The following RELN variants were observed in gnomAD, a reference collection of about 807,000 sequenced individuals.
The protein encoded by RELN is reelin.
A neutral mutation model predicts 427.6 loss-of-function variants in RELN; 108 were observed. The observed-to-expected ratio is 0.25, with a 90% CI of 0.22 to 0.30. The LOEUF (loss-of-function observed/expected upper bound fraction) is 0.30, where lower values mean the gene tolerates loss of function less well. Among genes scored for constraint, RELN ranks in the 10% least tolerant of loss-of-function variants. The pLI is 1.00. For missense variants in RELN, 3,715 were observed against 4,302.8 expected (o/e 0.86, Z 3.82); for synonymous variants, 1,524 against 1,513.4 (o/e 1.01, Z -0.16).
chr7:103,694,505 G>GA (rs1562959839), intron 10 of RELN, among the ~76,000 whole-genome samples: 7 of 106,972 alleles, frequency 6.5e-5, no homozygotes, highest in African/African-American at 2.5e-4. Flanking sequence ...GATGATGATG[G>GA]CGACGACGAT....
At chr7:103,832,268 C>T (rs1344589661) in intron 3 of RELN, among the ~76,000 whole-genome samples, 2 of 152,140 alleles carry the variant, frequency 1.3e-5, no homozygotes, top group African/African-American at 4.8e-5. Flanking sequence ...CTCTGTTTTG[C>T]TTGACTGCCT....
chr7:103,850,011 A>G (rs1259983550), intron 2 of RELN, among the ~76,000 whole-genome samples: 2 of 152,236 alleles, frequency 1.3e-5, no homozygotes, highest in Non-Finnish European at 2.9e-5. Context: ...TGTTAGGAAC[A>G]TCTCCATAAT....
At position 103,803,169 on chromosome 7, in the gene RELN, A is replaced by G. The variant is rs148476407; in HGVS notation, c.474-26542T>C. 7.8e-3 allele frequency among the ~76,000 whole-genome samples: 1,180 copies of G among 152,174 alleles called. 7 individuals carry two copies. The highest frequency in any genetic ancestry group is 0.011 in the Non-Finnish European group (757 of 67,972). ...TGTCCAGCTTAATGATTGCAAGACT[A>G]AAATACTCCACCTTTACTCCTACTC... is the stretch of plus-strand genomic sequence containing the variant. On this transcript the variant is annotated intron_variant, in intron 3 of 64. Coordinates refer to ENST00000428762, the MANE Select transcript of RELN (RefSeq NM_005045.4).
intron 37 of RELN, 68 bp from the exon 38 acceptor site, chr7:103,557,227 T>C: frequency 1.4e-5 from 18 of 1,329,224 alleles, no homozygotes; most frequent in Non-Finnish European, 9.7e-6. Context: ...TGTTCTTAGC[T>C]GAATCTTTAG....
At chr7:103,739,486 A>G (rs1249396900) in intron 6 of RELN, among the ~76,000 whole-genome samples, 1 of 152,176 alleles carries the variant, frequency 6.6e-6, no homozygotes, top group African/African-American at 2.4e-5. Context: ...CAGCACTGGT[A>G]AAGTGGTATT....
At chr7:103,927,323 AT>A (rs1795767535) in intron 1 of RELN, among the ~76,000 whole-genome samples, 1 of 152,218 alleles carries the variant, frequency 6.6e-6, no homozygotes, top group South Asian at 2.1e-4. Context: ...AAGACTCTCT[AT>A]TCCACATTTC....
intron 6 of RELN, among the ~76,000 whole-genome samples, chr7:103,731,927 T>C (rs765491471): frequency 1.3e-5 from 2 of 152,198 alleles, no homozygotes; most frequent in African/African-American, 4.8e-5. Flanking sequence ...AATGTTTACA[T>C]TTTTAAATAC....
rs74756402 is a variant in RELN at position 103,792,843 on chromosome 7, C to A, written c.474-16216G>T. ...TAAAATGGAAATATATTCTGGAAGG[C>A]TGTAGATAAGCTAATAGGAAATGGA... On this transcript the variant is annotated intron_variant, in intron 3 of 64. Coordinates refer to ENST00000428762, the MANE Select transcript of RELN (RefSeq NM_005045.4). 6.4e-3 allele frequency among the ~76,000 whole-genome samples: 969 copies of A among 152,016 alleles called. 3 individuals are homozygous for A. Among genetic ancestry groups the A allele is most frequent in the Non-Finnish European group, 0.011 (723 of 67,976 alleles).
intron 10 of RELN, among the ~76,000 whole-genome samples, chr7:103,692,428 C>T (rs185236888): frequency 2.4e-4 from 37 of 152,182 alleles, no homozygotes; most frequent in African/African-American, 7.7e-4. Context: ...ATAATACCTG[C>T]CTCTTGCCTC....
chr7:103,664,028 G>C (rs994883384), intron 11 of RELN, among the ~76,000 whole-genome samples: 5 of 152,090 alleles, frequency 3.3e-5, no homozygotes, highest in Admixed American at 3.3e-4. Flanking sequence ...TGCTACCCAA[G>C]TCCCGGTTGT....
chr7:103,593,761 A>G lies in RELN; in HGVS notation c.3833T>C (p.Ile1278Thr), dbSNP rs1211780544. 3.1e-6 allele frequency: 5 copies of G among 1,613,936 alleles called. No homozygotes were observed. Among genetic ancestry groups the G allele is most frequent in the Non-Finnish European group, 4.2e-6 (5 of 1,179,954 alleles). The change falls in exon 27 of 65, where the codon ATA (isoleucine) becomes ACA (threonine). Residue 1278 changes from isoleucine to threonine, a missense_variant. Coordinates refer to ENST00000428762, the MANE Select transcript of RELN (RefSeq NM_005045.4). ...TCGATCTCCATCTGATTTTCCAAAT[A>G]TCATTGCTGATGGTGTGGCAGCACA... Reference protein sequence around the residue: ...TFCAATPSAMIFGKSDGDRFA... With the variant: ...TFCAATPSAMTFGKSDGDRFA...
At chr7:103,781,096 T>C (rs1288169739) in intron 3 of RELN, among the ~76,000 whole-genome samples, 8 of 152,182 alleles carry the variant, frequency 5.3e-5, no homozygotes, top group Admixed American at 5.2e-4. Context: ...ATGGTTAGTA[T>C]TTCTAAAGGT....
intron 4 of RELN, among the ~76,000 whole-genome samples, chr7:103,757,531 T>C (rs1035861426): frequency 6.6e-6 from 1 of 152,164 alleles, no homozygotes; most frequent in African/African-American, 2.4e-5. Flanking sequence ...AATTGTCAAA[T>C]GGCTTAAACT....
chr7:103,618,043 G>A (rs1832124687), intron 20 of RELN, among the ~76,000 whole-genome samples: 1 of 152,136 alleles, frequency 6.6e-6, no homozygotes, highest in Non-Finnish European at 1.5e-5. Context: ...TTCTTGTACA[G>A]TCTGCAGAAC....
At chr7:103,662,645 A>AAAAAAAG (rs1562945671) in intron 11 of RELN, among the ~76,000 whole-genome samples, 1 of 150,186 alleles carries the variant, frequency 6.7e-6, no homozygotes, top group Non-Finnish European at 1.5e-5. Flanking sequence ...AAAAAAAAAA[A>AAAAAAAG]GAAACGGGTG....
chr7:103,836,529 C>T (rs1234407713), intron 2 of RELN, among the ~76,000 whole-genome samples: 1 of 152,168 alleles, frequency 6.6e-6, no homozygotes, highest in Non-Finnish European at 1.5e-5. Flanking sequence ...ATTTGCCTCT[C>T]ACTGCCTTCT....
intron 64 of RELN, among the ~76,000 whole-genome samples, chr7:103,474,637 T>C (rs1271747081): frequency 1.3e-5 from 2 of 152,176 alleles, no homozygotes; most frequent in East Asian, 3.8e-4. Flanking sequence ...AATTAATGTA[T>C]TGAACTAATC....
chr7:103,591,335 G>T (rs541877040), intron 27 of RELN, among the ~76,000 whole-genome samples: 2 of 152,232 alleles, frequency 1.3e-5, no homozygotes, highest in South Asian at 4.1e-4. Flanking sequence ...GGAGAGACAT[G>T]GACTAATAAT....
Position 103,489,418 on chromosome 7 carries a change from G to A in RELN, c.9763+324C>T, listed in dbSNP as rs1172652912. Among the ~76,000 whole-genome samples the A allele has an allele frequency of 2.6e-5, 4 of 152,116 alleles. No individual in the cohort carries two copies. In the East Asian group the frequency reaches 7.7e-4, roughly 29 times the overall value. On this transcript the variant is annotated intron_variant, in intron 60 of 64. Transcript: ENST00000428762. ...TTAAGTGTTGGGGCTGTGGGCAGGG[G>A]CAGGGAGTTATATGAAAGACAGAGA...
Sources: gnomAD v4.1 joint callset for allele counts (sites outside exome capture counted in the v4.1 genomes callset) on GRCh38, gnomAD v4.1.1 for gene constraint, MANE v1.5 for transcripts, NCBI Gene and HGNC (gene_info 2026-07-23, HGNC 2026-07-21) for gene names.